NOS1: variants seen among roughly 807,000 people sequenced by gnomAD.
The protein encoded by NOS1 is nitric oxide synthase 1.
A neutral mutation model predicts 164.5 loss-of-function variants in NOS1; 51 were observed. The observed-to-expected ratio is 0.31, with a 90% CI of 0.25 to 0.39. The LOEUF is 0.39. Ranked by LOEUF, NOS1 falls within the 10% of genes least tolerant of loss-of-function variation. The pLI is 1.00. For missense variants in NOS1, 1,362 were observed against 1,885.6 expected (o/e 0.72, Z 5.14); for synonymous variants, 719 against 745.8 (o/e 0.96, Z 0.59).
At chr12:117,225,852 C>T (rs1333753001) in intron 24 of NOS1, among the ~76,000 whole-genome samples, 1 of 152,180 alleles carries the variant, frequency 6.6e-6, no homozygotes. Flanking sequence ...TGGTCTCGAA[C>T]TCCTGACCTC....
chr12:117,330,329 C>CACAG lies in NOS1; in HGVS notation c.725+15_725+16insCTGT, dbSNP rs56004169. On this transcript the variant is annotated intron_variant, in intron 2 of 28. Transcript: ENST00000317775. This position sits in a 1 kb window ranked among gnomAD's most constrained non-coding sequence, Gnocchi z 4.6. ...ACACACACACACACACACACACACA[C>CACAG]CCCTGTGGAGCTTACCTGTCCACCT... The CACAG allele has an allele frequency of 6.3e-7, 1 of 1,597,480 alleles. No individual in the cohort carries two copies. Among genetic ancestry groups the CACAG allele is most frequent in the South Asian group, 1.1e-5 (1 of 87,724 alleles).
At chr12:117,220,517 A>T (rs185332378) in intron 26 of NOS1, among the ~76,000 whole-genome samples, 165 of 152,228 alleles carry the variant, frequency 1.1e-3, no homozygotes, top group Non-Finnish European at 1.7e-3. Flanking sequence ...TCTGCTAAGG[A>T]CCCTCCAGGG....
chr12:117,271,555 T>C (rs536304152), intron 10 of NOS1, among the ~76,000 whole-genome samples: 3 of 152,324 alleles, frequency 2.0e-5, no homozygotes, highest in African/African-American at 7.2e-5. Context: ...ATTACAGGCA[T>C]GAGCCACCGC....
chr12:117,223,286 G>A (rs1483744292), intron 25 of NOS1, among the ~76,000 whole-genome samples: 1 of 149,482 alleles, frequency 6.7e-6, no homozygotes, highest in Non-Finnish European at 1.5e-5. Flanking sequence ...TTTTTGAGAT[G>A]GAGTCTAGCT....
At chr12:117,233,034 C>CTTT (rs34474757) in intron 21 of NOS1, among the ~76,000 whole-genome samples, 4,348 of 88,274 alleles carry the variant, frequency 0.049, 424 homozygotes, top group African/African-American at 0.13. Flanking sequence ...TGCCTCACTA[C>CTTT]TTTTTTTTTT....
chr12:117,245,171 G>A (rs1870524542), intron 18 of NOS1, among the ~76,000 whole-genome samples: 1 of 152,116 alleles, frequency 6.6e-6, no homozygotes, highest in African/African-American at 2.4e-5. Context: ...GATGAAAAGC[G>A]CCAACTGAAT....
At chr12:117,307,287 G>A in intron 3 of NOS1, among the ~76,000 whole-genome samples, 1 of 152,198 alleles carries the variant, frequency 6.6e-6, no homozygotes, top group East Asian at 1.9e-4. Flanking sequence ...TTCCAAACAG[G>A]ACATTTAGTT....
At chr12:117,289,876 T>C (rs929908081) in intron 4 of NOS1, among the ~76,000 whole-genome samples, 4 of 152,220 alleles carry the variant, frequency 2.6e-5, no homozygotes, top group Non-Finnish European at 5.9e-5. Context: ...AGGAATATGC[T>C]TATTAAGGCC....
chr12:117,240,271 C>T (rs1870062248), intron 20 of NOS1, among the ~76,000 whole-genome samples: 1 of 152,100 alleles, frequency 6.6e-6, no homozygotes, highest in Admixed American at 6.6e-5. Flanking sequence ...GATTAATTTC[C>T]CACTCCATTT....
At chr12:117,249,434 A>G (rs961034874) in intron 17 of NOS1, among the ~76,000 whole-genome samples, 2 of 152,204 alleles carry the variant, frequency 1.3e-5, no homozygotes, top group Non-Finnish European at 1.5e-5. Flanking sequence ...AATTGGGGAA[A>G]TTAGTCTATG....
Position 117,210,915 on chromosome 12 carries a change from CCTCT to C in NOS1, c.*4390_*4393del. The C allele has an allele frequency of 1.0e-6, 1 of 985,054 alleles. No homozygotes were observed. The highest frequency in any genetic ancestry group is 1.2e-6 in the Non-Finnish European group (1 of 829,746). 61.0% of individuals were successfully genotyped at this position (985,054 alleles called of 1,614,324 possible). ...TTTCCCTGAGCCTGCTCTTCAGAGA[CCTCT>C]CTCTCAGCTAGGGGCAAGATGTTTT... On this transcript the variant is annotated 3_prime_UTR_variant, in exon 29 of 29. Coordinates refer to ENST00000317775, the MANE Select transcript of NOS1 (RefSeq NM_000620.5).
At chr12:117,252,929 C>T (rs188373145) in intron 17 of NOS1, among the ~76,000 whole-genome samples, 5 of 152,292 alleles carry the variant, frequency 3.3e-5, no homozygotes, top group South Asian at 2.1e-4. Context: ...TCAATATCCA[C>T]GAAACCAAGG....
intron 26 of NOS1, among the ~76,000 whole-genome samples, chr12:117,221,318 CT>C (rs201784052): frequency 0.03 from 4,459 of 146,774 alleles, 215 homozygotes; most frequent in African/African-American, 0.1. Context: ...CCACACCTGG[CT>C]TTTTTTTTTA....
intron 1 of NOS1, among the ~76,000 whole-genome samples, chr12:117,346,242 G>A (rs1401377152): frequency 2.6e-5 from 4 of 152,100 alleles, no homozygotes; most frequent in South Asian, 2.1e-4. Context: ...AGGCTGAGGC[G>A]AGCGGATCAC....
chr12:117,333,894 T>C (rs993465769), intron 1 of NOS1, among the ~76,000 whole-genome samples: 1 of 152,176 alleles, frequency 6.6e-6, no homozygotes, highest in Admixed American at 6.5e-5. Context: ...CCCAGGATGC[T>C]CACTGTTCAG....
At chr12:117,228,596 A>T (rs1183211245) in intron 22 of NOS1, among the ~76,000 whole-genome samples, 1 of 152,116 alleles carries the variant, frequency 6.6e-6, no homozygotes, top group African/African-American at 2.4e-5. Flanking sequence ...CAGGCAACAG[A>T]GGAACTCTCT....
rs572076716 is a variant in NOS1 at position 117,305,356 on chromosome 12, C to T, written c.852+6110G>A. The stretch of plus-strand genomic sequence containing the variant: ...GTGGGCGCCTGTAGTCCCAGCTACT[C>T]GGGAGGCTGAGGCAGAAGAATGGCG... On this transcript the variant is annotated intron_variant, in intron 3 of 28. Coordinates refer to ENST00000317775, the MANE Select transcript of NOS1 (RefSeq NM_000620.5). 4.0e-5 allele frequency among the ~76,000 whole-genome samples: 6 copies of T among 151,608 alleles called. No individual in the cohort carries two copies. The South Asian group carries it at 6.3e-4, about 16-fold the overall frequency.
intron 10 of NOS1, among the ~76,000 whole-genome samples, chr12:117,269,360 G>C (rs1426207440): frequency 6.6e-6 from 1 of 152,060 alleles, no homozygotes; most frequent in Non-Finnish European, 1.5e-5. Flanking sequence ...TAATTGGTGG[G>C]AGTGAGACAG....
Position 117,272,322 on chromosome 12 carries a change from A to G in NOS1, c.1839+63T>C. ...CACCAAGCTCGCCGTGGGGAAGGGGACTGCTGAGCTGGCACCCTCTGCTAT... is the reference window on the plus strand; with the variant it reads ...CACCAAGCTCGCCGTGGGGAAGGGGGCTGCTGAGCTGGCACCCTCTGCTAT... On this transcript the variant is annotated intron_variant, in intron 10 of 28. Coordinates refer to ENST00000317775, the MANE Select transcript of NOS1 (RefSeq NM_000620.5). This position sits in a 1 kb window ranked among gnomAD's most constrained non-coding sequence, Gnocchi z 4.3. 6.4e-7 allele frequency: 1 copy of G among 1,573,140 alleles called. No homozygotes were observed. Among genetic ancestry groups the G allele is most frequent in the Non-Finnish European group, 8.7e-7 (1 of 1,145,734 alleles).
Sources: allele counts gnomAD v4.1 joint callset (sites outside exome capture counted in the v4.1 genomes callset), GRCh38; gene constraint gnomAD v4.1.1; non-coding constraint Gnocchi (gnomAD v3.1); transcripts MANE v1.5; gene names NCBI Gene and HGNC (gene_info 2026-07-23, HGNC 2026-07-21).